The following NCOR2 variants were observed in gnomAD, a reference collection of about 807,000 sequenced individuals.
NCOR2 encodes nuclear receptor corepressor 2.
NCOR2 carries 81 observed loss-of-function variants against 262.9 expected under a neutral mutation model. That is an observed-to-expected ratio of 0.31 (90% CI 0.26 to 0.37). The LOEUF (loss-of-function observed/expected upper bound fraction) is 0.37. Ranked by LOEUF, NCOR2 falls within the 10% of genes least tolerant of loss-of-function variation. The pLI, the probability that NCOR2 is intolerant of heterozygous loss-of-function variation, is 1.00. For missense variants in NCOR2, 3,385 were observed against 3,621.4 expected (o/e 0.93, Z 1.68); for synonymous variants, 1,659 against 1,559.3 (o/e 1.06, Z -1.51).
exon 20 of NCOR2, chr12:124,372,205 G>A: frequency 1.2e-5 from 19 of 1,601,654 alleles, no homozygotes; most frequent in Non-Finnish European, 1.5e-5. Flanking sequence ...CTTGCCCTTG[G>A]CCGGCCCCTC....
At chr12:124,333,154 C>A in exon 42 of NCOR2, 1 of 1,610,360 alleles carries the variant, frequency 6.2e-7, no homozygotes, top group Non-Finnish European at 8.5e-7. Context: ...TTCCCCATCC[C>A]GGTACAGCAG....
intron 1 of NCOR2, among the ~76,000 whole-genome samples, chr12:124,544,408 C>A (rs913337587): frequency 5.3e-5 from 8 of 152,234 alleles, no homozygotes; most frequent in Non-Finnish European, 4.4e-5. Flanking sequence ...GGGCTGCCCG[C>A]CCAGGAGCAG....
intron 41 of NCOR2, among the ~76,000 whole-genome samples, chr12:124,334,028 G>GTGTGCGC (rs1593094229): frequency 2.0e-5 from 3 of 150,370 alleles, no homozygotes; most frequent in Admixed American, 6.6e-5. Context: ...GTGCATGTGT[G>GTGTGCGC]GAAAGGCTGC....
intron 8 of NCOR2, among the ~76,000 whole-genome samples, chr12:124,433,940 C>G (rs2044180585): frequency 6.7e-6 from 1 of 148,878 alleles, no homozygotes. Flanking sequence ...CGTCCCCCTC[C>G]CGCCCCCCAC....
chr12:124,491,522 T>C (rs2136874323), intron 1 of NCOR2, among the ~76,000 whole-genome samples: 1 of 152,268 alleles, frequency 6.6e-6, no homozygotes, highest in East Asian at 1.9e-4. Context: ...TACTGCGGCA[T>C]AGAGAGGTTA....
exon 40 of NCOR2, chr12:124,335,236 G>A (rs749683870): frequency 1.7e-5 from 27 of 1,609,340 alleles, no homozygotes; most frequent in East Asian, 4.5e-5. Context: ...GGCAGCGGCC[G>A]CAGGTGTGGG....
At chr12:124,552,614 G>A (rs1163677965) in intron 1 of NCOR2, among the ~76,000 whole-genome samples, 1 of 152,192 alleles carries the variant, frequency 6.6e-6, no homozygotes, top group Admixed American at 6.5e-5. Context: ...CTCTGTGGGG[G>A]CAGCAAGCAT....
chr12:124,509,963 GA>G (rs1163340714), intron 1 of NCOR2, among the ~76,000 whole-genome samples: 1 of 152,150 alleles, frequency 6.6e-6, no homozygotes, highest in East Asian at 1.9e-4. Flanking sequence ...CCGCACCGCA[GA>G]ACCAAATGTG....
intron 22 of NCOR2, among the ~76,000 whole-genome samples, chr12:124,358,259 G>A (rs1278992889): frequency 6.8e-6 from 1 of 147,280 alleles, no homozygotes; most frequent in Admixed American, 6.7e-5. Flanking sequence ...TGTACACAAT[G>A]TTGAAGGACG....
intron 31 of NCOR2, among the ~76,000 whole-genome samples, chr12:124,345,211 A>T (rs577209412): frequency 1.6e-4 from 24 of 151,586 alleles, no homozygotes; most frequent in Admixed American, 1.1e-3. Context: ...TCAACAGTCA[A>T]CTCTCCCTGC....
chr12:124,565,965 C>T (rs566647687), intron 1 of NCOR2, among the ~76,000 whole-genome samples: 1 of 152,290 alleles, frequency 6.6e-6, no homozygotes, highest in African/African-American at 2.4e-5. Context: ...CCGGGTCGCC[C>T]TCCCGGCGCA....
exon 21 of NCOR2, chr12:124,363,737 G>A: frequency 7.1e-7 from 1 of 1,406,602 alleles, no homozygotes; most frequent in Non-Finnish European, 9.3e-7. Context: ...TGGCTTCTGG[G>A]GTGAGGCATT....
At chr12:124,540,405 G>C (rs984954906), upstream of NCOR2, among the ~76,000 whole-genome samples, 3 of 129,480 alleles carry the variant, frequency 2.3e-5, no homozygotes, top group Non-Finnish European at 4.9e-5. Context: ...GCAGCCAGAG[G>C]GCTGGGGAGT....
chr12:124,360,545 G>A (rs563069577), intron 22 of NCOR2, among the ~76,000 whole-genome samples: 21 of 152,020 alleles, frequency 1.4e-4, no homozygotes, highest in African/African-American at 4.6e-4. Flanking sequence ...CGCAACACAC[G>A]CTCACTTCAA....
intron 41 of NCOR2, among the ~76,000 whole-genome samples, chr12:124,333,967 G>A (rs1294140208): frequency 6.8e-6 from 1 of 147,354 alleles, no homozygotes; most frequent in African/African-American, 2.5e-5. Flanking sequence ...TGTGTGTGCG[G>A]GTGCGCATGT....
chr12:124,540,436 G>T (rs2051256712), upstream of NCOR2, among the ~76,000 whole-genome samples: 1 of 99,226 alleles, frequency 1.0e-5, no homozygotes, highest in Non-Finnish European at 2.0e-5. Flanking sequence ...AGAGGGTTGG[G>T]GAGTAGAGCT....
At chr12:124,417,071 AGAGCAGGCCGGACAGTCACTCCACG>A (rs1565923785) in intron 13 of NCOR2, among the ~76,000 whole-genome samples, 2 of 141,294 alleles carry the variant, frequency 1.4e-5, no homozygotes, top group African/African-American at 5.9e-5. Context: ...CACTCCACGG[AGAGCAGGCCGGACAGTCACTCCACG>A]GAGAGCAGGC....
exon 40 of NCOR2, chr12:124,335,241 T>A: frequency 6.2e-7 from 1 of 1,608,872 alleles, no homozygotes; most frequent in Non-Finnish European, 8.5e-7. Flanking sequence ...CGGCCGCAGG[T>A]GTGGGAGGTG....
intron 17 of NCOR2, among the ~76,000 whole-genome samples, chr12:124,385,362 G>A (rs1446983611): frequency 6.6e-6 from 1 of 152,216 alleles, no homozygotes; most frequent in Non-Finnish European, 1.5e-5. Flanking sequence ...GGACCCATTT[G>A]CCTCCGGGTC....
Sources: allele counts gnomAD v4.1 joint callset (sites outside exome capture counted in the v4.1 genomes callset), GRCh38; gene constraint gnomAD v4.1.1; transcripts MANE v1.5; gene names NCBI Gene and HGNC (gene_info 2026-07-23, HGNC 2026-07-21).